Variants in RBBP6 observed in about 807,000 individuals in gnomAD.
RBBP6 encodes RB binding protein 6, ubiquitin ligase.
Under a neutral mutation model 167.7 loss-of-function variants are expected in RBBP6, and 25 were observed. That is an observed-to-expected ratio of 0.15 (90% CI 0.11 to 0.21). The LOEUF (loss-of-function observed/expected upper bound fraction) is 0.21. Ranked by LOEUF, RBBP6 falls within the 10% of genes least tolerant of loss-of-function variation. The pLI, the probability that RBBP6 is intolerant of heterozygous loss-of-function variation, is 1.00. For missense variants in RBBP6, 1,868 were observed against 2,134.2 expected, an observed-to-expected ratio of 0.88 and a Z score of 2.46; for synonymous variants, 789 against 735.8, an observed-to-expected ratio of 1.07 and a Z score of -1.17.
chr16:24,572,301 G>C lies in RBBP6; in HGVS notation c.5235G>C (p.Lys1745Asn). ...KKKHKKHKKH[K>N]KHKKHAGTEV... Reference sequence around the variant, plus strand: ...AACACAAGAAACATAAAAAGCATAAGAAGCATAAGAAACATGCAGGCACTG... The same window carrying C: ...AACACAAGAAACATAAAAAGCATAACAAGCATAAGAAACATGCAGGCACTG... The change falls in exon 18 of 18, where the codon AAG becomes AAC. Residue 1745 changes from lysine to asparagine, a missense_variant. Lys to Asn is a moderately conservative substitution (Grantham distance 94). Coordinates refer to ENST00000319715, the MANE Select transcript of RBBP6 (RefSeq NM_006910.5). The C allele has an allele frequency of 6.3e-7, 1 of 1,584,650 alleles. No homozygotes were observed. Among genetic ancestry groups the C allele is most frequent in the Non-Finnish European group, 8.6e-7 (1 of 1,164,994 alleles).
At chr16:24,546,082 A>C (rs1404662084) in intron 1 of RBBP6, 81 bp from the exon 2 acceptor site, 3 of 1,464,098 alleles carry the variant, frequency 2.0e-6, no homozygotes, top group African/African-American at 2.9e-5. Flanking sequence ...TTCCCATGAA[A>C]TTTATATTTG....
chr16:24,561,147 A>G (rs999746828), intron 8 of RBBP6, among the ~76,000 whole-genome samples: 2 of 152,144 alleles, frequency 1.3e-5, no homozygotes, highest in Non-Finnish European at 2.9e-5. Flanking sequence ...TTGTCTTTCT[A>G]GACTATCTTA....
chr16:24,563,328 T>A (rs1255912055), intron 11 of RBBP6, 33 bp downstream of exon 11: 1 of 1,585,324 alleles, frequency 6.3e-7, no homozygotes, highest in Non-Finnish European at 8.6e-7. Flanking sequence ...TTTGGGATTT[T>A]TTTTACAGCA....
intron 1 of RBBP6, among the ~76,000 whole-genome samples, chr16:24,542,603 C>G (rs1157534965): frequency 6.6e-6 from 1 of 152,138 alleles, no homozygotes. Flanking sequence ...GGACTACAGG[C>G]ATGCGCCACT....
intron 1 of RBBP6, among the ~76,000 whole-genome samples, chr16:24,541,073 AG>A (rs1555471239): frequency 6.7e-6 from 1 of 149,922 alleles, no homozygotes; most frequent in African/African-American, 2.5e-5. Context: ...GAGGGAGGAG[AG>A]GGGGATAGCT....
At chr16:24,555,789 C>T (rs772396753) in intron 5 of RBBP6, 32 bp from the exon 6 acceptor site, 23 of 1,582,760 alleles carry the variant, frequency 1.5e-5, no homozygotes, top group African/African-American at 5.4e-5. Context: ...TCAAAGTCCT[C>T]GTATACATGT....
At chr16:24,567,561 T>C in intron 15 of RBBP6, 56 bp downstream of exon 15, 1 of 1,513,660 alleles carries the variant, frequency 6.6e-7, no homozygotes, top group Non-Finnish European at 8.9e-7. Context: ...GATAATAACA[T>C]TAAATAGGTG....
At chr16:24,546,342 G>A in intron 2 of RBBP6, 80 bp downstream of exon 2, 2 of 1,372,046 alleles carry the variant, frequency 1.5e-6, no homozygotes, top group Non-Finnish European at 1.9e-6. Context: ...CTGTATTTTA[G>A]AACTGAACTC....
rs1596513166 is a variant in RBBP6 at position 24,567,696 on chromosome 16, A to G, written c.1953-96A>G. The G allele has an allele frequency of 2.2e-5, 28 of 1,272,698 alleles. No individual in the cohort carries two copies. In the Middle Eastern group the frequency reaches 1.3e-3, roughly 58 times the overall value. The allele number at this position is 1,272,698 out of a possible 1,614,324, so 78.8% of individuals were successfully genotyped here. A position where few individuals can be genotyped will look rare whatever the true frequency, so the allele number is the denominator to read the frequency against. On this transcript the variant is annotated intron_variant, in intron 15 of 17. Coordinates refer to ENST00000319715, the MANE Select transcript of RBBP6 (RefSeq NM_006910.5). ...GTTTTAAAGTGGAAAACTAATGGCA[A>G]TTTCATTCATTTCATTCATGATCTA...
rs751924941 is a variant in RBBP6, at chr16:24,569,034, A to G, written c.2344A>G (p.Asn782Asp). ...TCAAGCGTTTAGGGGACAGTCTCCT[A>G]ATAAACGTAATGTACCTCAAGGGGA... ...SPQAFRGQSP[N>D]KRNVPQGETE... Residue 782 changes from asparagine to aspartate, a missense_variant, in exon 17 of 18, where the codon AAT (asparagine) becomes GAT (aspartate). Coordinates refer to ENST00000319715, the MANE Select transcript of RBBP6 (RefSeq NM_006910.5). 1.2e-6 allele frequency: 2 copies of G among 1,614,212 alleles called. No individual in the cohort carries two copies. Among genetic ancestry groups the G allele is most frequent in the East Asian group, 2.2e-5 (1 of 44,880 alleles).
rs938522432 is a variant in RBBP6, at chr16:24,540,679, C to G, written c.53C>G (p.Thr18Ser). ...TCTAAACTCAACTATGATACCGTCA[C>G]CTTTGATGGGCTCCACATCTCCCTC... ...FSSKLNYDTV[T>S]FDGLHISLCD... is the part of the protein sequence containing the mutation. Residue 18 changes from threonine to serine, a missense_variant, in exon 1 of 18, where the codon ACC becomes AGC. Coordinates refer to ENST00000319715, the MANE Select transcript of RBBP6 (RefSeq NM_006910.5). 1 of 1,614,168 alleles carries G rather than the reference C, an allele frequency of 6.2e-7. No homozygotes were observed. The highest frequency in any genetic ancestry group is 8.5e-7 in the Non-Finnish European group (1 of 1,180,016).
At position 24,540,382 on chromosome 16, in the gene RBBP6, T is replaced by G. The variant is rs117664949; in HGVS notation, c.-245T>G. ...TTGTGCCCGTTGGCGGATTCTCGAT[T>G]TCCCCTCTTCCCCGTCCTCGTCCTC... On this transcript the variant is annotated 5_prime_UTR_variant, in exon 1 of 18. It adds an upstream start codon to the 5' untranslated region. Transcript: ENST00000319715. 1 of 387,764 alleles carries G rather than the reference T, an allele frequency of 2.6e-6. No homozygotes were observed. 24.0% of individuals were successfully genotyped at this position (387,764 alleles called of 1,614,324 possible).
chr16:24,558,194 T>A (rs1898964632), intron 7 of RBBP6, among the ~76,000 whole-genome samples: 1 of 152,194 alleles, frequency 6.6e-6, no homozygotes. Context: ...CCCTAACTAA[T>A]AATTAACTTC....
intron 14 of RBBP6, among the ~76,000 whole-genome samples, chr16:24,565,685 C>G (rs1034943786): frequency 6.6e-6 from 1 of 152,182 alleles, no homozygotes; most frequent in Non-Finnish European, 1.5e-5. Flanking sequence ...TTGTCTTCCA[C>G]AAAACAGCTC....
Position 24,559,624 on chromosome 16 carries a change from T to G in RBBP6, c.794T>G (p.Ile265Ser). Reference sequence around the variant, plus strand: ...TTGTTGTGTCTCATCTGCAAGGATATTATGACTGATGCTGTTGTGATTCCC... The same window carrying G: ...TTGTTGTGTCTCATCTGCAAGGATAGTATGACTGATGCTGTTGTGATTCCC... The part of the protein sequence containing the change: ...DELLCLICKD[I>S]MTDAVVIPCC... The change falls in exon 8 of 18, where the codon ATT becomes AGT. Residue 265 changes from isoleucine to serine, a missense_variant. Transcript: ENST00000319715. 6.3e-7 allele frequency: 1 copy of G among 1,599,742 alleles called. No homozygotes were observed. The highest frequency in any genetic ancestry group is 1.1e-5 in the South Asian group (1 of 87,716).
At position 24,561,855 on chromosome 16, in the gene RBBP6, A is replaced by T. The variant is rs368305107; in HGVS notation, c.983A>T (p.Tyr328Phe). The change falls in exon 10 of 18, where the codon TAT becomes TTT. Residue 328 changes from tyrosine to phenylalanine, a missense_variant. By Grantham distance (22) the Tyr-to-Phe change is conservative (BLOSUM62 3). Coordinates refer to ENST00000319715, the MANE Select transcript of RBBP6 (RefSeq NM_006910.5). ...AVNNFKNETG[Y>F]TKRLRKQLPP... The stretch of plus-strand genomic sequence containing the variant: ...AATAACTTCAAAAATGAAACTGGCT[A>T]TACAAAAAGACTACGAAAACAGTTA... The T allele has an allele frequency of 7.4e-6, 12 of 1,612,764 alleles. No individual in the cohort carries two copies. The highest frequency in any genetic ancestry group is 9.3e-6 in the Non-Finnish European group (11 of 1,179,286).
At chr16:24,557,204 G>C (rs1182705439) in intron 7 of RBBP6, among the ~76,000 whole-genome samples, 2 of 151,868 alleles carry the variant, frequency 1.3e-5, no homozygotes, top group African/African-American at 4.8e-5. Context: ...GTTTCACCGT[G>C]TTAGCCTGAC....
At chr16:24,561,372 C>T (rs911643797) in intron 8 of RBBP6, among the ~76,000 whole-genome samples, 1 of 152,106 alleles carries the variant, frequency 6.6e-6, no homozygotes, top group Admixed American at 6.5e-5. Context: ...ATTACAGGCA[C>T]ATGCCAGCAC....
intron 7 of RBBP6, 38 bp downstream of exon 7, chr16:24,556,485 AG>A (rs776407614): frequency 6.3e-7 from 1 of 1,589,470 alleles, no homozygotes; most frequent in South Asian, 1.1e-5. Context: ...TGGAGACTCC[AG>A]TCAGTCCCAG....
Sources: gnomAD v4.1 joint callset for allele counts (sites outside exome capture counted in the v4.1 genomes callset) on GRCh38, gnomAD v4.1.1 for gene constraint, MANE v1.5 for transcripts, NCBI Gene and HGNC (gene_info 2026-07-23, HGNC 2026-07-21) for gene names.